Variants in RBM6 observed in about 807,000 individuals in gnomAD.
RBM6 encodes RNA-binding protein 6.
RBM6 carries 23 observed loss-of-function variants against 140.4 expected under a neutral mutation model. The ratio of observed to expected loss-of-function variants is 0.16; its 90% CI spans 0.12 to 0.23. RBM6 has a LOEUF of 0.23. Ranked by LOEUF, RBM6 falls within the 10% of genes least tolerant of loss-of-function variation. The pLI is 1.00. For synonymous variants in RBM6, 439 were observed against 475.6 expected (o/e 0.92, Z 1.00); for missense variants, 1,139 against 1,386.7 (o/e 0.82, Z 2.84).
chr3:49,999,565 A>G, intron 6 of RBM6, 52 bp downstream of exon 6: 1 of 1,397,796 alleles, frequency 7.2e-7, no homozygotes, highest in Non-Finnish European at 1.0e-6. Context: ...TTTTTTATAT[A>G]TGGGGAGGGA....
At chr3:49,944,776 A>G (rs1306649680) in intron 1 of RBM6, among the ~76,000 whole-genome samples, 1 of 152,004 alleles carries the variant, frequency 6.6e-6, no homozygotes, top group African/African-American at 2.4e-5. Context: ...GCGCCCAGCC[A>G]CAAATATCAA....
chr3:49,942,243 A>T (rs1407851138), intron 1 of RBM6, among the ~76,000 whole-genome samples: 1 of 152,074 alleles, frequency 6.6e-6, no homozygotes, highest in Non-Finnish European at 1.5e-5. Flanking sequence ...TAATCCCAGC[A>T]CTTTGGGACG....
At chr3:50,048,207 A>G (rs1444918442) in intron 6 of RBM6, 38 bp from the exon 7 acceptor site, 6 of 1,604,182 alleles carry the variant, frequency 3.7e-6, no homozygotes, top group Admixed American at 3.4e-5. Flanking sequence ...TGTTTCTCCA[A>G]GGGTTGATGT....
intron 15 of RBM6, among the ~76,000 whole-genome samples, chr3:50,063,038 C>T (rs1420218780): frequency 6.6e-6 from 1 of 151,924 alleles, no homozygotes; most frequent in African/African-American, 2.4e-5. Context: ...GGACTACAGG[C>T]ATGAGCCACC....
At chr3:49,941,775 C>T (rs2083293528) in intron 1 of RBM6, among the ~76,000 whole-genome samples, 1 of 151,336 alleles carries the variant, frequency 6.6e-6, no homozygotes, top group African/African-American at 2.4e-5. Flanking sequence ...GCTATGTTGG[C>T]CAGGCTGGTC....
chr3:50,005,933 CAATT>C (rs1246372514), intron 6 of RBM6, among the ~76,000 whole-genome samples: 4 of 152,184 alleles, frequency 2.6e-5, no homozygotes, highest in Admixed American at 1.3e-4. Flanking sequence ...AAAATTAAAA[CAATT>C]AATGAGTACA....
intron 6 of RBM6, among the ~76,000 whole-genome samples, chr3:50,009,971 C>T (rs9881008): frequency 0.49 from 74,493 of 151,900 alleles, 19,394 homozygotes; most frequent in East Asian, 0.86. Flanking sequence ...TCACTGCAAC[C>T]TCTGCCTCCC....
intron 6 of RBM6, among the ~76,000 whole-genome samples, chr3:50,034,349 A>G (rs2088377701): frequency 6.6e-6 from 1 of 152,120 alleles, no homozygotes; most frequent in Admixed American, 6.6e-5. Flanking sequence ...TTCATTGTAC[A>G]TGCTCACGGT....
intron 1 of RBM6, among the ~76,000 whole-genome samples, chr3:49,956,229 G>T (rs1254171129): frequency 6.6e-6 from 1 of 150,712 alleles, no homozygotes; most frequent in African/African-American, 2.4e-5. Context: ...TTGCCATGTT[G>T]CCCAGGCTGG....
chr3:49,975,413 A>T (rs776014936), intron 5 of RBM6, 21 bp downstream of exon 5: 10 of 1,588,644 alleles, frequency 6.3e-6, no homozygotes, highest in Non-Finnish European at 8.6e-6. Flanking sequence ...TGACTTGCAT[A>T]TGGCCTTGGG....
chr3:49,956,471 A>G lies in RBM6; in HGVS notation c.-66-6105A>G, dbSNP rs1031415820. Among the ~76,000 whole-genome samples, 3 of 147,702 alleles carry G rather than the reference A, an allele frequency of 2.0e-5. No homozygotes were observed. In the South Asian group the frequency reaches 6.4e-4, roughly 31 times the overall value. ...TGCCTCTGCCTCCCAAGTAGCTGGG[A>G]TTACAGGCTTGCCACCATGCCTGGC... On this transcript the variant is annotated intron_variant, in intron 1 of 20. Transcript: ENST00000266022.
intron 6 of RBM6, among the ~76,000 whole-genome samples, chr3:50,045,987 AGGGGTT>A: frequency 6.6e-6 from 1 of 152,222 alleles, no homozygotes; most frequent in South Asian, 2.1e-4. Context: ...TGGGCTTAGA[AGGGGTT>A]CATCTTAGGC....
chr3:49,989,204 T>A (rs774915514), intron 5 of RBM6, among the ~76,000 whole-genome samples: 7 of 152,186 alleles, frequency 4.6e-5, no homozygotes, highest in Non-Finnish European at 8.8e-5. Flanking sequence ...AAAGAAAATA[T>A]TATTCAGGTA....
chr3:50,035,449 G>A (rs561639994), intron 6 of RBM6, among the ~76,000 whole-genome samples: 6 of 152,170 alleles, frequency 3.9e-5, no homozygotes, highest in East Asian at 3.9e-4. Context: ...TTGGGAGGCC[G>A]AGGTGGGCGG....
chr3:50,067,027 A>G (rs1377330497), intron 17 of RBM6, among the ~76,000 whole-genome samples: 1 of 151,698 alleles, frequency 6.6e-6, no homozygotes, highest in East Asian at 1.9e-4. Flanking sequence ...TCTCTACTAA[A>G]AATACAAAAA....
intron 6 of RBM6, among the ~76,000 whole-genome samples, chr3:50,035,029 C>A (rs1278502870): frequency 1.4e-5 from 2 of 144,972 alleles, no homozygotes; most frequent in South Asian, 2.4e-4. Context: ...CTTCCCTCCC[C>A]TCCCCTCCCC....
chr3:50,011,133 A>AGGAGGATC (rs987128725), intron 6 of RBM6, among the ~76,000 whole-genome samples: 1 of 151,880 alleles, frequency 6.6e-6, no homozygotes, highest in Admixed American at 6.6e-5. Context: ...AGGCTGAGAT[A>AGGAGGATC]GGAGGATCAC....
chr3:49,957,282 T>TG (rs1232770436), intron 1 of RBM6, among the ~76,000 whole-genome samples: 2 of 152,002 alleles, frequency 1.3e-5, no homozygotes, highest in Non-Finnish European at 2.9e-5. Context: ...GTGAAAATGT[T>TG]TTGACTTTCT....
chr3:49,950,780 G>A (rs984481118), intron 1 of RBM6, among the ~76,000 whole-genome samples: 3 of 151,042 alleles, frequency 2.0e-5, no homozygotes, highest in African/African-American at 7.3e-5. Flanking sequence ...AGAATGAAAG[G>A]CAAAACATTA....
Sources: allele counts gnomAD v4.1 joint callset (sites outside exome capture counted in the v4.1 genomes callset), GRCh38; gene constraint gnomAD v4.1.1; transcripts MANE v1.5; gene names NCBI Gene and HGNC (gene_info 2026-07-23, HGNC 2026-07-21).